The following CD200 variants were observed in gnomAD, a reference collection of about 807,000 sequenced individuals.
CD200 encodes the protein CD200 molecule.
In CD200, 15 loss-of-function variants were observed where a neutral mutation model predicts 30.9. That is an observed-to-expected ratio of 0.49 (90% CI 0.32 to 0.75). CD200 has a LOEUF of 0.75. Among genes scored for constraint, CD200 ranks in the 30% least tolerant of loss-of-function variants. The pLI, the probability that CD200 is intolerant of heterozygous loss-of-function variation, is 0.03. For synonymous variants in CD200, 134 were observed against 126.2 expected (o/e 1.06, Z -0.41); for missense variants, 262 against 324.2 (o/e 0.81, Z 1.47).
chr3:112,333,542 C>T (rs886265060), intron 1 of CD200: 2 of 985,332 alleles, frequency 2.0e-6, no homozygotes, highest in African/African-American at 3.5e-5. Context: ...GGCGCATCCT[C>T]CGGGCAGGCT....
intron 1 of CD200, among the ~76,000 whole-genome samples, chr3:112,339,737 C>T (rs2108430014): frequency 6.6e-6 from 1 of 152,316 alleles, no homozygotes; most frequent in Middle Eastern, 3.4e-3. Flanking sequence ...TTTCATCCAG[C>T]ACAAGGGGAA....
chr3:112,333,832 A>G lies in CD200; in HGVS notation c.12+608A>G, dbSNP rs1046724646. The G allele has an allele frequency of 4.1e-6, 4 of 985,274 alleles. No individual in the cohort carries two copies. The African/African-American group carries it at 5.2e-5, about 13-fold the overall frequency. 61.0% of individuals were successfully genotyped at this position (985,274 alleles called of 1,614,324 possible). A position where few individuals can be genotyped will look rare whatever the true frequency, so the allele number is the denominator to read the frequency against. Reference sequence around the variant, plus strand: ...GAGAGCTGAAATGCTCTGTGATCATAATGCTTTGAAGGGTTAACCCCGGGT... The same window carrying G: ...GAGAGCTGAAATGCTCTGTGATCATGATGCTTTGAAGGGTTAACCCCGGGT... On this transcript the variant is annotated intron_variant, in intron 1 of 5. Transcript: ENST00000315711.
chr3:112,345,950 A>C (rs1180285849), intron 3 of CD200, among the ~76,000 whole-genome samples: 1 of 152,204 alleles, frequency 6.6e-6, no homozygotes, highest in Non-Finnish European at 1.5e-5. Context: ...TTACGAAGTG[A>C]GAATAAGAGA....
At chr3:112,340,699 C>A (rs940747061) in intron 1 of CD200, among the ~76,000 whole-genome samples, 1 of 152,210 alleles carries the variant, frequency 6.6e-6, no homozygotes, top group Admixed American at 6.5e-5. Context: ...TGAAGCCACG[C>A]TGCTGCTTTT....
chr3:112,343,131 T>A (rs2081306073), intron 2 of CD200, among the ~76,000 whole-genome samples: 1 of 152,066 alleles, frequency 6.6e-6, no homozygotes, highest in Non-Finnish European at 1.5e-5. Flanking sequence ...TTCCATCAAA[T>A]AATCTATCAT....
intron 5 of CD200, among the ~76,000 whole-genome samples, chr3:112,355,121 T>C (rs2081601832): frequency 6.6e-6 from 1 of 152,214 alleles, no homozygotes. Flanking sequence ...ATTATGCCTA[T>C]CACAAATGCT....
chr3:112,344,610 C>T (rs1162860061), intron 2 of CD200, among the ~76,000 whole-genome samples: 3 of 152,168 alleles, frequency 2.0e-5, no homozygotes, highest in African/African-American at 7.2e-5. Context: ...CTCTTTGCTT[C>T]TACTTCTCCA....
chr3:112,337,435 G>A (rs2108423877), intron 1 of CD200, among the ~76,000 whole-genome samples: 1 of 152,282 alleles, frequency 6.6e-6, no homozygotes, highest in East Asian at 1.9e-4. Context: ...ATTGCGTGGT[G>A]CGTTTAGAAG....
At chr3:112,350,008 T>C (rs1466071756) in intron 5 of CD200, 189 bp downstream of exon 5, 1 of 978,252 alleles carries the variant, frequency 1.0e-6, no homozygotes, top group African/African-American at 1.7e-5. Flanking sequence ...GGACATTAAA[T>C]TGGACATTTC....
intron 3 of CD200, 144 bp downstream of exon 3, chr3:112,345,432 T>C: frequency 1.5e-6 from 1 of 656,730 alleles, no homozygotes; most frequent in Non-Finnish European, 2.6e-6. Flanking sequence ...ACTATAGCTG[T>C]GTTTATGATT....
At chr3:112,342,307 T>TTCC (rs2081258464) in intron 2 of CD200, among the ~76,000 whole-genome samples, 11 of 29,560 alleles carry the variant, frequency 3.7e-4, no homozygotes, top group African/African-American at 8.9e-4. Context: ...CCTTCCTTCC[T>TTCC]TTCTTCTTTC....
chr3:112,342,410 TTTCTTTCTTTCTTTCTTTCTTCTC>T (rs2081286130), intron 2 of CD200, among the ~76,000 whole-genome samples: 1 of 73,110 alleles, frequency 1.4e-5, no homozygotes, highest in East Asian at 3.7e-4. Context: ...TCTTTCTTTC[TTTCTTTCTTTCTTTCTTTCTTCTC>T]TCTCTTTCTA....
intron 5 of CD200, among the ~76,000 whole-genome samples, chr3:112,356,355 AT>A (rs56379418): frequency 0.9 from 136,397 of 152,162 alleles, 61,202 homozygotes; most frequent in Middle Eastern, 0.96. Flanking sequence ...TTTTGTTTTT[AT>A]TTTTTTAATT....
chr3:112,340,137 GA>G (rs547942198), intron 1 of CD200, among the ~76,000 whole-genome samples: 1 of 152,000 alleles, frequency 6.6e-6, no homozygotes, highest in African/African-American at 2.4e-5. Flanking sequence ...TAGAAATATA[GA>G]AAAAATAAAG....
intron 3 of CD200, among the ~76,000 whole-genome samples, chr3:112,346,127 A>G (rs914689337): frequency 6.6e-6 from 1 of 152,098 alleles, no homozygotes; most frequent in African/African-American, 2.4e-5. Context: ...ATGCCAAAAG[A>G]AATTTCTTTT....
Position 112,345,074 on chromosome 3 carries a change from T to C in CD200, c.207T>C (p.Ala69=). Reference sequence around the variant, plus strand: ...TTGTGACATGGCAGAAAAAGAAAGCTGTAAGCCCAGAAAACATGGTCACCT... The same window carrying C: ...TTGTGACATGGCAGAAAAAGAAAGCCGTAAGCCCAGAAAACATGGTCACCT... ...ALIVTWQKKK[A]VSPENMVTFS... is the part of the protein sequence containing the mutation. Residue 69 remains alanine (A), a synonymous_variant, in exon 3 of 6, where the codon GCT becomes GCC. Transcript: ENST00000315711. The C allele has an allele frequency of 6.2e-7, 1 of 1,614,096 alleles. No individual in the cohort carries two copies. The highest frequency in any genetic ancestry group is 8.5e-7 in the Non-Finnish European group (1 of 1,179,994).
intron 4 of CD200, among the ~76,000 whole-genome samples, chr3:112,349,285 T>G (rs951714409): frequency 3.3e-5 from 5 of 152,224 alleles, no homozygotes; most frequent in Admixed American, 3.3e-4. Context: ...TCTTTGTACT[T>G]CTCTGCATTT....
upstream of CD200, chr3:112,332,982 A>T (rs962690847): frequency 3.3e-6 from 2 of 600,802 alleles, no homozygotes; most frequent in Non-Finnish European, 5.7e-6. Flanking sequence ...GAAAAGGGAA[A>T]AATGTCTGAA....
intron 5 of CD200, among the ~76,000 whole-genome samples, chr3:112,351,577 T>C (rs1311546768): frequency 6.6e-6 from 1 of 152,206 alleles, no homozygotes; most frequent in African/African-American, 2.4e-5. Context: ...TCCTCACTTA[T>C]GAAATAAATA....
Sources: gnomAD v4.1 joint callset for allele counts (sites outside exome capture counted in the v4.1 genomes callset) on GRCh38, gnomAD v4.1.1 for gene constraint, MANE v1.5 for transcripts, NCBI Gene and HGNC (gene_info 2026-07-23, HGNC 2026-07-21) for gene names.